Variants in PCDHGA3 observed in about 807,000 individuals in gnomAD.
PCDHGA3 encodes protocadherin gamma-A3.
In PCDHGA3, 40 loss-of-function variants were observed where a neutral mutation model predicts 58.5. That is an observed-to-expected ratio of 0.68 (90% confidence interval 0.53 to 0.89). The LOEUF (loss-of-function observed/expected upper bound fraction) is 0.89. Among genes scored for constraint, PCDHGA3 ranks in the 40% least tolerant of loss-of-function variants. The pLI is 0.00. For missense variants in PCDHGA3, 1,223 were observed against 1,195.9 expected, an observed-to-expected ratio of 1.02 and a Z score of -0.33; for synonymous variants, 530 against 525.7, an observed-to-expected ratio of 1.01 and a Z score of -0.11.
chr5:141,462,872 AG>A (rs1254807813), intron 1 of PCDHGA3, among the ~76,000 whole-genome samples: 54 of 152,272 alleles, frequency 3.5e-4, no homozygotes, highest in Middle Eastern at 6.8e-3. Flanking sequence ...TCTTTCTTTA[AG>A]AACTATTGCA....
At chr5:141,501,983 C>T (rs957901405) in intron 2 of PCDHGA3, among the ~76,000 whole-genome samples, 1 of 152,068 alleles carries the variant, frequency 6.6e-6, no homozygotes, top group Non-Finnish European at 1.5e-5. Context: ...CATCTGGTCC[C>T]GTTGTCTCCC....
intron 1 of PCDHGA3, among the ~76,000 whole-genome samples, chr5:141,363,018 G>T (rs1022427881): frequency 6.6e-6 from 1 of 152,216 alleles, no homozygotes; most frequent in Non-Finnish European, 1.5e-5. Context: ...GGCATGGGTA[G>T]GACATTGTCC....
In PCDHGA3 at chr5:141,486,128, G is replaced by C. The variant is rs1447222839; in HGVS notation, c.2425-8679G>C. ...TGAGAGTGAGAATTACTATGAATTT[G>C]ATGTGCGGGCTCGCGATGGGGGTTC... is the stretch of plus-strand genomic sequence containing the variant. On this transcript the variant is annotated intron_variant, in intron 1 of 3. Transcript: ENST00000253812. This position sits in a 1 kb window ranked among gnomAD's most constrained non-coding sequence, Gnocchi z 5.0. 6.2e-7 allele frequency: 1 copy of C among 1,614,066 alleles called. No homozygotes were observed. Among genetic ancestry groups the C allele is most frequent in the Non-Finnish European group, 8.5e-7 (1 of 1,180,034 alleles).
At chr5:141,421,894 C>A in intron 1 of PCDHGA3, 3 of 1,613,704 alleles carry the variant, frequency 1.9e-6, no homozygotes, top group Non-Finnish European at 2.5e-6. Context: ...CGATCCCATC[C>A]GAAAGGGCGC....
At chr5:141,415,982 T>G in intron 1 of PCDHGA3, 1 of 342,492 alleles carries the variant, frequency 2.9e-6, no homozygotes, top group Non-Finnish European at 4.9e-6. Flanking sequence ...AGCAACCCTC[T>G]TGTTCTGAAG....
At chr5:141,388,351 C>A in intron 1 of PCDHGA3, 1 of 1,614,016 alleles carries the variant, frequency 6.2e-7, no homozygotes. Flanking sequence ...ATATTAGGAT[C>A]TGCCCATGAT....
rs754728562 is a variant in PCDHGA3, at chr5:141,489,487, G to A, written c.2425-5320G>A. 6.2e-7 allele frequency: 1 copy of A among 1,613,942 alleles called. No individual in the cohort carries two copies. On this transcript the variant is annotated intron_variant, in intron 1 of 3. Coordinates refer to ENST00000253812, the MANE Select transcript of PCDHGA3 (RefSeq NM_018916.4). This position sits in a 1 kb window ranked among gnomAD's most constrained non-coding sequence, Gnocchi z 4.5. The stretch of plus-strand genomic sequence containing the variant: ...TTTTTCCCTGAGCTTGATGAGTGGT[G>A]CCCTGGCAGTGAATCAAAAGATTGA...
At chr5:141,394,471 T>C (rs2093007845) in intron 1 of PCDHGA3, 3 of 1,614,250 alleles carry the variant, frequency 1.9e-6, no homozygotes, top group Non-Finnish European at 2.5e-6. Flanking sequence ...CTGTTCGTGC[T>C]GGACCAGAAT....
At chr5:141,392,870 G>T (rs757363357) in intron 1 of PCDHGA3, 8 of 1,613,226 alleles carry the variant, frequency 5.0e-6, no homozygotes, top group Non-Finnish European at 6.8e-6. Context: ...TGTGCGCGCT[G>T]CTGGGAACGC....
At chr5:141,359,409 ATG>A (rs1178126719) in intron 1 of PCDHGA3, among the ~76,000 whole-genome samples, 1 of 152,002 alleles carries the variant, frequency 6.6e-6, no homozygotes, top group Non-Finnish European at 1.5e-5. Flanking sequence ...TTTTTAAAAA[ATG>A]TGTTTTTGTT....
In PCDHGA3 at chr5:141,434,915, T is replaced by A. The variant is rs1301814716; in HGVS notation, c.2425-59892T>A. Among the ~76,000 whole-genome samples, 3 of 151,830 alleles carry A rather than the reference T, an allele frequency of 2.0e-5. No homozygotes were observed. The East Asian group carries it at 5.8e-4, about 29-fold the overall frequency. ...GTCCCCTTCCCTCATACCTTATTTATGTACATATATTTTATATAATAGATA... is the reference window on the plus strand; with the variant it reads ...GTCCCCTTCCCTCATACCTTATTTAAGTACATATATTTTATATAATAGATA... On this transcript the variant is annotated intron_variant, in intron 1 of 3. Transcript: ENST00000253812.
At chr5:141,412,932 T>C (rs2095590399) in intron 1 of PCDHGA3, 3 of 453,328 alleles carry the variant, frequency 6.6e-6, no homozygotes, top group South Asian at 1.0e-4. Flanking sequence ...AGTAACTTCT[T>C]AGGACTCTGA....
intron 1 of PCDHGA3, chr5:141,408,675 CG>C (rs757230674): frequency 2.3e-5 from 37 of 1,613,832 alleles, no homozygotes; most frequent in Non-Finnish European, 3.1e-5. Flanking sequence ...GACCCTGCCA[CG>C]GATCCTGATA....
chr5:141,409,608 C>T, intron 1 of PCDHGA3: 18 of 1,613,942 alleles, frequency 1.1e-5, no homozygotes, highest in Non-Finnish European at 1.4e-5. Flanking sequence ...CCGCCAGGAG[C>T]CTCCATTGCG....
At chr5:141,362,447 C>A (rs769703158) in intron 1 of PCDHGA3, 2 of 1,614,048 alleles carry the variant, frequency 1.2e-6, no homozygotes, top group East Asian at 2.2e-5. Context: ...CTGAACATAA[C>A]CCCGGAATTG....
At position 141,476,455 on chromosome 5, in the gene PCDHGA3, G is replaced by A. The variant is rs572682842; in HGVS notation, c.2425-18352G>A. The A allele has an allele frequency of 1.2e-6, 2 of 1,614,034 alleles. No individual in the cohort carries two copies. The highest frequency in any genetic ancestry group is 2.2e-5 in the South Asian group (2 of 91,084). ...CTGTAACTCTGGAGTTGGTAGTGGA[G>A]AACCCGCTGGAGCTGTTCAGCGTGG... On this transcript the variant is annotated intron_variant, in intron 1 of 3. Coordinates refer to ENST00000253812, the MANE Select transcript of PCDHGA3 (RefSeq NM_018916.4). This position sits in a 1 kb window ranked among gnomAD's most constrained non-coding sequence, Gnocchi z 7.6.
intron 1 of PCDHGA3, among the ~76,000 whole-genome samples, chr5:141,483,124 G>A (rs1468216170): frequency 6.6e-6 from 1 of 152,154 alleles, no homozygotes; most frequent in East Asian, 1.9e-4. Flanking sequence ...GTCTTTGTAG[G>A]AGATGAGGTG....
At chr5:141,396,813 T>A (rs1031435038) in intron 1 of PCDHGA3, among the ~76,000 whole-genome samples, 3 of 152,240 alleles carry the variant, frequency 2.0e-5, no homozygotes, top group Admixed American at 6.5e-5. Context: ...AGTGTTCTAC[T>A]GTATGGTGCA....
chr5:141,410,419 TC>T (rs769125626), intron 1 of PCDHGA3: 1 of 1,613,886 alleles, frequency 6.2e-7, no homozygotes, highest in South Asian at 1.1e-5. Flanking sequence ...GACCTGTAGT[TC>T]CCCCCAACTA....
Sources: allele counts gnomAD v4.1 joint callset (sites outside exome capture counted in the v4.1 genomes callset), GRCh38; gene constraint gnomAD v4.1.1; non-coding constraint Gnocchi (gnomAD v3.1); transcripts MANE v1.5; gene names NCBI Gene and HGNC (gene_info 2026-07-23, HGNC 2026-07-21).